Variants in MARCHF1 observed in about 807,000 individuals in gnomAD.
MARCHF1 encodes the protein E3 ubiquitin-protein ligase MARCHF1.
In MARCHF1, 40 loss-of-function variants were observed where a neutral mutation model predicts 54.2. The ratio of observed to expected loss-of-function variants is 0.74; its 90% confidence interval spans 0.57 to 0.96. MARCHF1 has a LOEUF of 0.96. Ranked by LOEUF, MARCHF1 falls within the 40% of genes least tolerant of loss-of-function variation. The pLI is 0.00. For synonymous variants in MARCHF1, 236 were observed against 236.3 expected (o/e 1.00, Z 0.01); for missense variants, 586 against 656.5 (o/e 0.89, Z 1.17).
chr4:164,300,937 T>C (rs909615028), intron 1 of MARCHF1, among the ~76,000 whole-genome samples: 3 of 152,086 alleles, frequency 2.0e-5, no homozygotes, highest in Non-Finnish European at 4.4e-5. Context: ...AACTGATCAT[T>C]ACAGGATAAG....
At chr4:163,541,981 G>A (rs1560930942) in intron 9 of MARCHF1, among the ~76,000 whole-genome samples, 1 of 152,220 alleles carries the variant, frequency 6.6e-6, no homozygotes, top group East Asian at 1.9e-4. Context: ...GTTTCCATTT[G>A]AAATTACCCA....
chr4:163,965,775 AC>A (rs1752431615), intron 3 of MARCHF1, among the ~76,000 whole-genome samples: 1 of 152,132 alleles, frequency 6.6e-6, no homozygotes, highest in African/African-American at 2.4e-5. Context: ...CTGAAAAACT[AC>A]ATAACTGGAG....
At chr4:164,343,149 T>C (rs140171785) in intron 1 of MARCHF1, among the ~76,000 whole-genome samples, 3 of 152,284 alleles carry the variant, frequency 2.0e-5, no homozygotes, top group South Asian at 4.1e-4. Flanking sequence ...AGTACACACA[T>C]TGAAAAAAGT....
chr4:164,214,127 A>G (rs1477560215), intron 1 of MARCHF1, among the ~76,000 whole-genome samples: 2 of 151,872 alleles, frequency 1.3e-5, no homozygotes, highest in Admixed American at 1.3e-4. Flanking sequence ...TATTCGTGAC[A>G]CATACAACAA....
chr4:163,565,230 A>G (rs1161168258), intron 8 of MARCHF1, among the ~76,000 whole-genome samples: 1 of 152,234 alleles, frequency 6.6e-6, no homozygotes, highest in Non-Finnish European at 1.5e-5. Flanking sequence ...GGGTTCTTTT[A>G]ACTTTAATGC....
At chr4:163,828,885 A>C (rs936277540) in intron 4 of MARCHF1, 5 of 152,216 alleles carry the variant, frequency 3.3e-5, no homozygotes, top group Admixed American at 6.6e-5. Context: ...CTTGTGCTAA[A>C]TGAAAGCAGT....
intron 4 of MARCHF1, among the ~76,000 whole-genome samples, chr4:163,708,692 T>G (rs1411949324): frequency 6.6e-6 from 1 of 152,088 alleles, no homozygotes; most frequent in Non-Finnish European, 1.5e-5. Context: ...AGACATGCAG[T>G]AGTCTATGAC....
In MARCHF1 at chr4:163,923,808, T is replaced by A. The variant is rs557488955; in HGVS notation, c.-39+64693A>T. Among the ~76,000 whole-genome samples the A allele has an allele frequency of 3.3e-5, 5 of 151,450 alleles. No individual in the cohort carries two copies. The East Asian group carries it at 9.7e-4, about 29-fold the overall frequency. ...AGAAAAAAGTAAAAGAAAATTTAAA[T>A]CACCCGCATCTTACAATGCAGACAT... On this transcript the variant is annotated intron_variant, in intron 3 of 9. Coordinates refer to ENST00000514618, the MANE Select transcript of MARCHF1 (RefSeq NM_001394959.1).
Position 164,183,744 on chromosome 4 carries a change from GAAGA to G in MARCHF1, c.-322-72086_-322-72083del, listed in dbSNP as rs760930908. Among the ~76,000 whole-genome samples the G allele has an allele frequency of 3.2e-4, 49 of 152,268 alleles. No individual in the cohort carries two copies. In the Middle Eastern group the frequency reaches 0.01, roughly 32 times the overall value. ...TCATGGAATGTAAAATACAGCAGAG[GAAGA>G]AGCCAACCATAACCCGGATTCAAAT... On this transcript the variant is annotated intron_variant, in intron 1 of 9. Coordinates refer to ENST00000514618, the MANE Select transcript of MARCHF1 (RefSeq NM_001394959.1).
intron 5 of MARCHF1, among the ~76,000 whole-genome samples, chr4:163,655,489 A>G (rs1743105017): frequency 6.6e-6 from 1 of 151,882 alleles, no homozygotes; most frequent in African/African-American, 2.4e-5. Context: ...TCAATATTAG[A>G]TGGATCGTCA....
At chr4:164,068,866 T>C (rs1465429017) in intron 2 of MARCHF1, among the ~76,000 whole-genome samples, 1 of 152,190 alleles carries the variant, frequency 6.6e-6, no homozygotes, top group Non-Finnish European at 1.5e-5. Flanking sequence ...TAAGGGATTG[T>C]AAATACACCA....
intron 5 of MARCHF1, among the ~76,000 whole-genome samples, chr4:163,646,065 T>A (rs1742747922): frequency 6.7e-6 from 1 of 149,970 alleles, no homozygotes; most frequent in Non-Finnish European, 1.5e-5. Context: ...AGAAAAATAC[T>A]CTGAGGCATC....
rs115665871 is a variant in MARCHF1 at position 164,097,381 on chromosome 4, T to C, written c.-248+14207A>G. On this transcript the variant is annotated intron_variant, in intron 2 of 9. Transcript: ENST00000514618. ...ATTATGACTAGTCAGTAAACCACAA[T>C]AGCATTAGCGATATCTTTGAAATTT... 3.2e-3 allele frequency among the ~76,000 whole-genome samples: 491 copies of C among 152,264 alleles called. 3 individuals carry two copies. The highest frequency in any genetic ancestry group is 0.011 in the African/African-American group (458 of 41,568).
intron 3 of MARCHF1, among the ~76,000 whole-genome samples, chr4:163,967,699 T>C (rs767657748): frequency 5.9e-5 from 9 of 152,150 alleles, no homozygotes; most frequent in African/African-American, 1.2e-4. Flanking sequence ...TCGATATCTA[T>C]TGATATGTAC....
At chr4:163,767,979 A>G (rs182493463) in intron 4 of MARCHF1, among the ~76,000 whole-genome samples, 95 of 152,316 alleles carry the variant, frequency 6.2e-4, no homozygotes, top group African/African-American at 2.2e-3. Context: ...TTAAAGTTTC[A>G]GCTTGAGGGT....
At chr4:163,935,626 G>A (rs1337260058) in intron 3 of MARCHF1, among the ~76,000 whole-genome samples, 1 of 150,916 alleles carries the variant, frequency 6.6e-6, no homozygotes, top group African/African-American at 2.4e-5. Flanking sequence ...TTAAGAGAAT[G>A]TTGTAGATAA....
intron 7 of MARCHF1, among the ~76,000 whole-genome samples, chr4:163,604,739 C>T (rs1215536805): frequency 6.6e-6 from 1 of 152,094 alleles, no homozygotes; most frequent in Non-Finnish European, 1.5e-5. Flanking sequence ...TGGCTCTCTA[C>T]TAGGCTACAT....
intron 1 of MARCHF1, among the ~76,000 whole-genome samples, chr4:164,255,101 G>A (rs2111254417): frequency 6.6e-6 from 1 of 152,234 alleles, no homozygotes; most frequent in African/African-American, 2.4e-5. Flanking sequence ...GCCAAAACTG[G>A]TGAAATCTGT....
Position 163,612,645 on chromosome 4 carries a change from C to G in MARCHF1, c.636G>C (p.Leu212=). Residue 212 remains leucine (L), a synonymous_variant, in exon 7 of 10, where the codon CTG becomes CTC. Coordinates refer to ENST00000514618, the MANE Select transcript of MARCHF1 (RefSeq NM_001394959.1). ...CTTGTTGCTCTTTACCTTTGGATCCCAGATCAACGAGCTCAATTCCGTTAG... is the reference window on the plus strand; with the variant it reads ...CTTGTTGCTCTTTACCTTTGGATCCGAGATCAACGAGCTCAATTCCGTTAG... The part of the protein sequence containing the change: ...STPNGIELVD[L]GSKGKEQQEL... 2 of 1,535,556 alleles carry G rather than the reference C, an allele frequency of 1.3e-6. No individual in the cohort carries two copies. Among genetic ancestry groups the G allele is most frequent in the Non-Finnish European group, 1.7e-6 (2 of 1,146,540 alleles).
Sources: allele counts gnomAD v4.1 joint callset (sites outside exome capture counted in the v4.1 genomes callset), GRCh38; gene constraint gnomAD v4.1.1; transcripts MANE v1.5; gene names NCBI Gene and HGNC (gene_info 2026-07-23, HGNC 2026-07-21).